Variants in SAMMSON observed in about 807,000 individuals in gnomAD.
The protein encoded by SAMMSON is survival associated mitochondrial melanoma specific oncogenic non-coding RNA, also known as long intergenic non-protein coding RNA 1212.
Position 70,153,813 on chromosome 3 carries a change from C to A in SAMMSON, n.507+82248C>A, listed in dbSNP as rs573738377. 4.6e-5 allele frequency among the ~76,000 whole-genome samples: 7 copies of A among 152,018 alleles called. No individual in the cohort carries two copies. In the South Asian group the frequency reaches 1.5e-3, roughly 32 times the overall value. ...ACGTTCCTCTCCAGAGCTTTTTCATCGTCTCAAACTGAAACGCTGTACCCA... is the reference window on the plus strand; with the variant it reads ...ACGTTCCTCTCCAGAGCTTTTTCATAGTCTCAAACTGAAACGCTGTACCCA... On this transcript the variant is annotated intron_variant and non_coding_transcript_variant, in intron 4 of 9. Transcript: ENST00000642114.
chr3:70,032,260 G>A lies in SAMMSON; in HGVS notation n.417+18588G>A, dbSNP rs113377864. On this transcript the variant is annotated intron_variant and non_coding_transcript_variant, in intron 3 of 9. Transcript: ENST00000642114. The stretch of plus-strand genomic sequence containing the variant: ...TCAGAGTACATCAAGCAAACAGGAG[G>A]AGAAGGGTACAGGCAAAAAAAATCT... Among the ~76,000 whole-genome samples the A allele has an allele frequency of 4.1e-3, 618 of 151,822 alleles. 6 individuals carry two copies. The highest frequency in any genetic ancestry group is 0.014 in the African/African-American group (595 of 41,184).
chr3:70,007,136 G>T (rs1223939841), intron 1 of SAMMSON, among the ~76,000 whole-genome samples: 1 of 152,134 alleles, frequency 6.6e-6, no homozygotes, highest in Non-Finnish European at 1.5e-5. Context: ...ATAGCAGCAT[G>T]ATTTATAATC....
intron 4 of SAMMSON, among the ~76,000 whole-genome samples, chr3:70,221,794 G>A (rs1464851554): frequency 6.6e-6 from 1 of 152,124 alleles, no homozygotes; most frequent in Non-Finnish European, 1.5e-5. Context: ...TCATTGTTAA[G>A]GTGGTCTTGC....
At chr3:70,373,010 A>G (rs1336960715) in intron 9 of SAMMSON, among the ~76,000 whole-genome samples, 1 of 152,138 alleles carries the variant, frequency 6.6e-6, no homozygotes, top group Non-Finnish European at 1.5e-5. Context: ...TGTAATTTTT[A>G]TTTCAACTGT....
intron 4 of SAMMSON, chr3:70,071,767 T>G (rs1051999053): frequency 6.6e-6 from 1 of 152,016 alleles, no homozygotes. Context: ...GATTTTTTTT[T>G]AAAGGTTTTA....
chr3:70,388,832 A>T (rs1017752974), intron 9 of SAMMSON, among the ~76,000 whole-genome samples: 3 of 151,940 alleles, frequency 2.0e-5, no homozygotes, highest in African/African-American at 7.2e-5. Flanking sequence ...TATGGTTTGG[A>T]TGTGGTTTGT....
intron 7 of SAMMSON, among the ~76,000 whole-genome samples, chr3:70,315,500 G>A (rs1301991988): frequency 6.6e-6 from 1 of 152,146 alleles, no homozygotes; most frequent in Non-Finnish European, 1.5e-5. Context: ...TTCATTAGAA[G>A]GATGGTAAGA....
intron 4 of SAMMSON, among the ~76,000 whole-genome samples, chr3:70,217,350 T>C (rs1010330546): frequency 2.0e-5 from 3 of 152,132 alleles, no homozygotes; most frequent in African/African-American, 7.2e-5. Context: ...AAAATATTTA[T>C]TGATTTGTGT....
At chr3:70,013,192 G>A (rs1302505841) in intron 2 of SAMMSON, among the ~76,000 whole-genome samples, 3 of 152,068 alleles carry the variant, frequency 2.0e-5, no homozygotes, top group Admixed American at 6.6e-5. Flanking sequence ...ATGATTTTAA[G>A]TTCCGAATTT....
At chr3:70,362,364 A>G (rs1214830024) in intron 9 of SAMMSON, among the ~76,000 whole-genome samples, 1 of 152,150 alleles carries the variant, frequency 6.6e-6, no homozygotes, top group Non-Finnish European at 1.5e-5. Context: ...GAAGTAGTAG[A>G]TAATTTGCCT....
intron 1 of SAMMSON, among the ~76,000 whole-genome samples, chr3:70,008,019 A>G (rs1162901406): frequency 6.6e-6 from 1 of 152,108 alleles, no homozygotes; most frequent in African/African-American, 2.4e-5. Context: ...CTGTTTTGGT[A>G]CCAGTACCAT....
chr3:70,036,756 G>A (rs2067086986), intron 3 of SAMMSON, among the ~76,000 whole-genome samples: 1 of 151,872 alleles, frequency 6.6e-6, no homozygotes, highest in African/African-American at 2.4e-5. Context: ...CTGAGCACCA[G>A]GAACCAGGAT....
intron 2 of SAMMSON, among the ~76,000 whole-genome samples, chr3:70,427,592 G>C (rs1389435799): frequency 6.6e-6 from 1 of 152,100 alleles, no homozygotes; most frequent in Non-Finnish European, 1.5e-5. Flanking sequence ...ACAAAAATTA[G>C]CCGGGCATGG....
At chr3:70,075,430 G>C (rs941113143) in intron 4 of SAMMSON, 3 of 152,128 alleles carry the variant, frequency 2.0e-5, no homozygotes, top group Admixed American at 2.0e-4. Context: ...TTAGGAGTCT[G>C]TTGAAAATTG....
intron 2 of SAMMSON, among the ~76,000 whole-genome samples, chr3:70,407,092 G>A (rs1701183499): frequency 6.6e-6 from 1 of 152,192 alleles, no homozygotes; most frequent in Non-Finnish European, 1.5e-5. Context: ...CAGATCTTGT[G>A]AGACTTATTC....
rs2066998065 is a variant in SAMMSON at position 70,018,760 on chromosome 3, C to G, written n.417+5088C>G. On this transcript the variant is annotated intron_variant and non_coding_transcript_variant, in intron 3 of 9. Transcript: ENST00000642114. ...CTCTACACACTGCTTTGAATGTGTC[C>G]CAGAGATTCTGGTATGTTGTGTCTT... Among the ~76,000 whole-genome samples, 2 of 151,984 alleles carry G rather than the reference C, an allele frequency of 1.3e-5. 1 individual carries two copies. Among genetic ancestry groups the G allele is most frequent in the African/African-American group, 4.8e-5 (2 of 41,400 alleles).
At chr3:70,326,903 T>G (rs1431384918) in intron 7 of SAMMSON, among the ~76,000 whole-genome samples, 2 of 152,164 alleles carry the variant, frequency 1.3e-5, no homozygotes, top group Non-Finnish European at 2.9e-5. Flanking sequence ...TTGTCACTCA[T>G]GCTGGAGTGC....
chr3:70,278,948 C>T (rs1298405658), intron 6 of SAMMSON, among the ~76,000 whole-genome samples: 2 of 151,356 alleles, frequency 1.3e-5, no homozygotes, highest in Admixed American at 6.6e-5. Flanking sequence ...TTCTCCTCTT[C>T]ATAGTGGTCT....
chr3:70,314,694 C>T (rs1452488216), intron 7 of SAMMSON, among the ~76,000 whole-genome samples: 4 of 152,116 alleles, frequency 2.6e-5, no homozygotes, highest in African/African-American at 9.6e-5. Context: ...AATATTTGAC[C>T]ATATGATTAT....
Sources: allele counts gnomAD v4.1 joint callset (sites outside exome capture counted in the v4.1 genomes callset), GRCh38; gene constraint gnomAD v4.1.1; transcripts MANE v1.5; gene names NCBI Gene and HGNC (gene_info 2026-07-23, HGNC 2026-07-21).